SNAP25: variants seen among roughly 807,000 people sequenced by gnomAD.
SNAP25 encodes the protein synaptosome associated protein 25, also known as synaptosomal-associated protein 25.
Under a neutral mutation model 28.7 loss-of-function variants are expected in SNAP25, and 3 were observed. The ratio of observed to expected loss-of-function variants is 0.10; its 90% CI spans 0.05 to 0.27. The LOEUF (loss-of-function observed/expected upper bound fraction) is 0.27, where lower values mean the gene tolerates loss of function less well. Among genes scored for constraint, SNAP25 ranks in the 10% least tolerant of loss-of-function variants. The pLI, the probability that SNAP25 is intolerant of heterozygous loss-of-function variation, is 1.00. For synonymous variants in SNAP25, 61 were observed against 88.1 expected (o/e 0.69, Z 1.72); for missense variants, 117 against 278.7 (o/e 0.42, Z 4.13).
chr20:10,295,895 G>A (rs1160927786), intron 5 of SNAP25, among the ~76,000 whole-genome samples: 1 of 152,138 alleles, frequency 6.6e-6, no homozygotes, highest in Non-Finnish European at 1.5e-5. Context: ...GTGAAATACA[G>A]CCCATGGAGA....
At chr20:10,294,371 T>C (rs953637676) in intron 5 of SNAP25, among the ~76,000 whole-genome samples, 1 of 152,200 alleles carries the variant, frequency 6.6e-6, no homozygotes, top group African/African-American at 2.4e-5. Flanking sequence ...AAAATTCTGC[T>C]TTTTAAAGAG....
chr20:10,221,085 A>C (rs539308795), intron 1 of SNAP25, among the ~76,000 whole-genome samples: 5 of 152,236 alleles, frequency 3.3e-5, no homozygotes, highest in Admixed American at 2.0e-4. Context: ...TTAGTAGTGG[A>C]GGAGAGAAAA....
chr20:10,224,359 C>G (rs534815919), intron 1 of SNAP25, among the ~76,000 whole-genome samples: 2 of 140,394 alleles, frequency 1.4e-5, no homozygotes, highest in Admixed American at 1.5e-4. Flanking sequence ...AGCCAGGAGA[C>G]CCAGCTCTAG....
intron 7 of SNAP25, among the ~76,000 whole-genome samples, chr20:10,302,643 C>T (rs2064267505): frequency 6.6e-6 from 1 of 152,072 alleles, no homozygotes; most frequent in South Asian, 2.1e-4. Context: ...GGCACTCCAG[C>T]AAATTTAGAA....
rs2063269614 is a variant in SNAP25, at chr20:10,253,700, A to G, written c.-63-21729A>G. Among the ~76,000 whole-genome samples, 2 of 152,188 alleles carry G rather than the reference A, an allele frequency of 1.3e-5. 1 individual carries two copies. The highest frequency in any genetic ancestry group is 1.3e-4 in the Admixed American group (2 of 15,276). On this transcript the variant is annotated intron_variant, in intron 1 of 7. Transcript: ENST00000254976. ...ACTTGAAAATGTAATTTTTATATGC[A>G]GGACAATTCCCCTTTGCGGTGTCAC...
chr20:10,276,677 A>G (rs1053807870), intron 2 of SNAP25, among the ~76,000 whole-genome samples: 1 of 152,256 alleles, frequency 6.6e-6, no homozygotes, highest in Non-Finnish European at 1.5e-5. Flanking sequence ...CTGTAGACAC[A>G]AAAGTTCAGC....
rs1020997630 is a variant in SNAP25 at position 10,266,158 on chromosome 20, C to A, written c.-63-9271C>A. On this transcript the variant is annotated intron_variant, in intron 1 of 7. Coordinates refer to ENST00000254976, the MANE Select transcript of SNAP25 (RefSeq NM_130811.4). ...GGGAAAGGCTGCTTCAAACCTGGGGCAAATTCTGATGATTCAGAAAATGGA... is the reference window on the plus strand; with the variant it reads ...GGGAAAGGCTGCTTCAAACCTGGGGAAAATTCTGATGATTCAGAAAATGGA... Among the ~76,000 whole-genome samples the A allele has an allele frequency of 3.3e-5, 5 of 152,134 alleles. No individual in the cohort carries two copies. In the East Asian group the frequency reaches 9.6e-4, roughly 29 times the overall value.
intron 1 of SNAP25, among the ~76,000 whole-genome samples, chr20:10,256,673 T>G (rs1313343337): frequency 6.6e-6 from 1 of 152,088 alleles, no homozygotes; most frequent in Non-Finnish European, 1.5e-5. Flanking sequence ...TAATCCAAGA[T>G]GTAAATGCAA....
chr20:10,226,733 A>G (rs550803075), intron 1 of SNAP25, among the ~76,000 whole-genome samples: 3 of 152,250 alleles, frequency 2.0e-5, no homozygotes, highest in Non-Finnish European at 4.4e-5. Context: ...AAACAAATAC[A>G]TATTAAGAAC....
At chr20:10,226,802 T>C (rs2062741138) in intron 1 of SNAP25, among the ~76,000 whole-genome samples, 1 of 152,072 alleles carries the variant, frequency 6.6e-6, no homozygotes, top group Non-Finnish European at 1.5e-5. Flanking sequence ...TGTGAACTTG[T>C]CTCTATTTAC....
intron 1 of SNAP25, among the ~76,000 whole-genome samples, chr20:10,263,005 T>G (rs1600709390): frequency 1.6e-5 from 2 of 124,476 alleles, no homozygotes; most frequent in Admixed American, 9.1e-5. Context: ...AACCCTGGGG[T>G]GCTCTTTTTT....
At chr20:10,257,272 G>A (rs1027020891) in intron 1 of SNAP25, among the ~76,000 whole-genome samples, 4 of 152,164 alleles carry the variant, frequency 2.6e-5, no homozygotes, top group Non-Finnish European at 4.4e-5. Flanking sequence ...TTAGCCTTCC[G>A]AAGCAAAAAG....
At chr20:10,277,868 GGAGAT>G in intron 3 of SNAP25, 142 bp downstream of exon 3, 1 of 738,036 alleles carries the variant, frequency 1.4e-6, no homozygotes, top group Non-Finnish European at 2.2e-6. Context: ...ACAGAATGAG[GGAGAT>G]GCTGTATTTA....
intron 4 of SNAP25, among the ~76,000 whole-genome samples, chr20:10,289,028 C>G (rs1031308634): frequency 9.9e-5 from 15 of 152,142 alleles, no homozygotes; most frequent in African/African-American, 3.6e-4. Context: ...TTGACTATTT[C>G]TACCTCACAG....
intron 4 of SNAP25, 57 bp downstream of exon 4, chr20:10,284,829 A>G (rs1198381292): frequency 4.9e-6 from 7 of 1,426,304 alleles, no homozygotes; most frequent in South Asian, 3.4e-5. Flanking sequence ...GTGCATTTTA[A>G]AATTATTTGT....
At chr20:10,299,944 G>A (rs1175514861) in intron 7 of SNAP25, among the ~76,000 whole-genome samples, 1 of 152,146 alleles carries the variant, frequency 6.6e-6, no homozygotes, top group Non-Finnish European at 1.5e-5. Flanking sequence ...TCAGAAAATG[G>A]GAGAAAGAAT....
rs751046094 is a variant in SNAP25 at position 10,299,387 on chromosome 20, G to A, written c.527G>A (p.Arg176His). The A allele has an allele frequency of 4.3e-6, 7 of 1,613,542 alleles. No homozygotes were observed. The African/African-American group carries it at 8.0e-5, about 18-fold the overall frequency. Reference sequence around the variant, plus strand: ...GGCAATGAGATCGATACACAGAATCGCCAGATCGACAGGATCATGGAGAAG... The same window carrying A: ...GGCAATGAGATCGATACACAGAATCACCAGATCGACAGGATCATGGAGAAG... Reference protein sequence around the residue: ...DMGNEIDTQNRQIDRIMEKAD... With the variant: ...DMGNEIDTQNHQIDRIMEKAD... The change falls in exon 7 of 8, where the codon CGC (arginine) becomes CAC (histidine). Residue 176 changes from arginine (R) to histidine (H), a missense_variant. Coordinates refer to ENST00000254976, the MANE Select transcript of SNAP25 (RefSeq NM_130811.4).
intron 1 of SNAP25, among the ~76,000 whole-genome samples, chr20:10,236,959 C>CATAAATAAATAAATAA (rs3063167): frequency 2.0e-5 from 3 of 146,498 alleles, no homozygotes; most frequent in Non-Finnish European, 3.0e-5. Context: ...AAGGAAAATA[C>CATAAATAAATAAATAA]ATAAATAAAT....
intron 1 of SNAP25, among the ~76,000 whole-genome samples, chr20:10,228,568 TG>T (rs2062772605): frequency 1.3e-5 from 2 of 152,206 alleles, no homozygotes; most frequent in Non-Finnish European, 2.9e-5. Flanking sequence ...GTCAGCTGGC[TG>T]CATGCCAGCT....
Sources: gnomAD v4.1 joint callset for allele counts (sites outside exome capture counted in the v4.1 genomes callset) on GRCh38, gnomAD v4.1.1 for gene constraint, MANE v1.5 for transcripts, NCBI Gene and HGNC (gene_info 2026-07-23, HGNC 2026-07-21) for gene names.